The following LAMA2 variants were observed in gnomAD, a reference collection of about 807,000 sequenced individuals.
LAMA2 encodes the protein laminin subunit alpha-2.
LAMA2 carries 269 observed loss-of-function variants against 364.8 expected under a neutral mutation model. That is an observed-to-expected ratio of 0.74 (90% CI 0.67 to 0.82). The LOEUF (loss-of-function observed/expected upper bound fraction) is 0.82, where lower values mean the gene tolerates loss of function less well. LAMA2 is among the 40% of genes least tolerant of loss of function. The probability of loss-of-function intolerance (pLI) is 0.00; values close to 1 mark genes in which losing one functional copy is unlikely to be tolerated. For synonymous variants in LAMA2, 1,379 were observed against 1,370.6 expected (o/e 1.01, Z -0.14); for missense variants, 3,807 against 3,873.2 (o/e 0.98, Z 0.45).
intron 31 of LAMA2, among the ~76,000 whole-genome samples, chr6:129,350,737 G>C (rs924945140): frequency 2.6e-5 from 4 of 152,302 alleles, no homozygotes; most frequent in Admixed American, 6.5e-5. Flanking sequence ...ATCCACTTAA[G>C]AGTCTTGTTT....
chr6:129,342,379 C>T lies in LAMA2; in HGVS notation c.4348C>T (p.Arg1450Ter), dbSNP rs200923373. The change falls in exon 30 of 65, where the codon CGA (arginine) becomes TGA (stop). Residue 1450 changes from arginine (R) to a stop codon, truncating the protein, a stop_gained. Coordinates refer to ENST00000421865, the MANE Select transcript of LAMA2 (RefSeq NM_000426.4). LOFTEE classifies it high-confidence loss of function. The stretch of plus-strand genomic sequence containing the variant: ...TCACACTGCTGGTGACTTCTGTGAA[C>T]GATGTGCTCTTGGATACTATGGAAT... ...QHHTAGDFCE[R>*]CALGYYGIVK... 8.1e-6 allele frequency: 13 copies of T among 1,613,094 alleles called. No individual in the cohort carries two copies. Among genetic ancestry groups the T allele is most frequent in the African/African-American group, 2.7e-5 (2 of 74,874 alleles).
At chr6:128,897,868 C>G (rs1776864300) in intron 1 of LAMA2, among the ~76,000 whole-genome samples, 1 of 152,156 alleles carries the variant, frequency 6.6e-6, no homozygotes, top group South Asian at 2.1e-4. Context: ...AGAGCTATGA[C>G]TGCATCAGAA....
intron 18 of LAMA2, among the ~76,000 whole-genome samples, chr6:129,286,628 T>C (rs1295181678): frequency 1.1e-5 from 1 of 91,098 alleles, no homozygotes; most frequent in Non-Finnish European, 1.9e-5. Flanking sequence ...ATAATATATA[T>C]AATAATATAT....
intron 4 of LAMA2, among the ~76,000 whole-genome samples, chr6:129,117,093 C>A (rs1356519868): frequency 6.6e-6 from 1 of 151,984 alleles, no homozygotes; most frequent in East Asian, 1.9e-4. Context: ...AATTTTCAGA[C>A]AATTAGGGCC....
intron 14 of LAMA2, among the ~76,000 whole-genome samples, chr6:129,253,428 CT>C (rs1162098890): frequency 2.6e-5 from 4 of 152,210 alleles, no homozygotes; most frequent in Non-Finnish European, 4.4e-5. Context: ...AATATTTCAA[CT>C]TAGTCTAATC....
intron 32 of LAMA2, among the ~76,000 whole-genome samples, chr6:129,365,229 G>A (rs997277837): frequency 1.3e-5 from 2 of 152,174 alleles, no homozygotes; most frequent in African/African-American, 4.8e-5. Context: ...TCAAAGTAGG[G>A]ATTTGTGAGA....
intron 1 of LAMA2, among the ~76,000 whole-genome samples, chr6:128,885,195 C>G (rs1169577048): frequency 1.3e-5 from 2 of 152,094 alleles, no homozygotes; most frequent in Non-Finnish European, 2.9e-5. Flanking sequence ...TTGTCATAGA[C>G]CATTTACAAT....
chr6:129,389,679 G>A (rs528375869), intron 35 of LAMA2, among the ~76,000 whole-genome samples: 3 of 152,154 alleles, frequency 2.0e-5, no homozygotes, highest in African/African-American at 4.8e-5. Context: ...GGAAATTTAC[G>A]ATCATGGCAG....
chr6:129,426,962 A>C (rs1311095496), intron 40 of LAMA2, among the ~76,000 whole-genome samples: 2 of 152,208 alleles, frequency 1.3e-5, no homozygotes, highest in Non-Finnish European at 2.9e-5. Flanking sequence ...TTCCAATTTA[A>C]AATTTACACA....
intron 1 of LAMA2, among the ~76,000 whole-genome samples, chr6:128,997,314 CAAAG>C (rs970757853): frequency 2.6e-4 from 33 of 125,900 alleles, no homozygotes; most frequent in East Asian, 2.1e-3. Context: ...AAGAAAGAAA[CAAAG>C]AGAGAGAGAG....
At chr6:129,245,997 G>T (rs1188863761) in intron 12 of LAMA2, among the ~76,000 whole-genome samples, 1 of 152,152 alleles carries the variant, frequency 6.6e-6, no homozygotes, top group East Asian at 1.9e-4. Context: ...ATAAGCCACA[G>T]TTCTATTTCT....
In LAMA2 at chr6:129,321,253, T is replaced by C. The variant is rs553307820; in HGVS notation, c.4176+598T>C. 1.5e-3 allele frequency among the ~76,000 whole-genome samples: 227 copies of C among 152,326 alleles called. 1 individual carries two copies. Among genetic ancestry groups the C allele is most frequent in the South Asian group, 3.9e-3 (19 of 4,828 alleles). On this transcript the variant is annotated intron_variant, in intron 28 of 64. Coordinates refer to ENST00000421865, the MANE Select transcript of LAMA2 (RefSeq NM_000426.4). Reference sequence around the variant, plus strand: ...GTCAAATTTCTTAGGATCTAATTTCTATAATTGTGAAATATTAATAGGAAC... The same window carrying C: ...GTCAAATTTCTTAGGATCTAATTTCCATAATTGTGAAATATTAATAGGAAC...
At chr6:129,496,500 T>C (rs954263381) in intron 58 of LAMA2, among the ~76,000 whole-genome samples, 34 of 152,188 alleles carry the variant, frequency 2.2e-4, no homozygotes, top group Admixed American at 1.1e-3. Context: ...TAATTAGTTA[T>C]GACTGTGTGG....
At chr6:129,502,135 T>G (rs974287663) in intron 58 of LAMA2, among the ~76,000 whole-genome samples, 5 of 152,212 alleles carry the variant, frequency 3.3e-5, no homozygotes, top group African/African-American at 1.2e-4. Context: ...CTGAATGGGC[T>G]GACGTGCAGG....
intron 12 of LAMA2, among the ~76,000 whole-genome samples, chr6:129,225,215 C>T (rs1440953406): frequency 6.6e-6 from 1 of 151,522 alleles, no homozygotes; most frequent in African/African-American, 2.4e-5. Flanking sequence ...CTATTTGATT[C>T]TTCTCTCTTT....
intron 41 of LAMA2, among the ~76,000 whole-genome samples, chr6:129,434,226 C>T (rs1241835480): frequency 1.3e-5 from 2 of 152,308 alleles, no homozygotes; most frequent in Non-Finnish European, 2.9e-5. Flanking sequence ...ATATATCTAT[C>T]TTGTGCCATT....
chr6:128,991,555 T>C (rs1783616411), intron 1 of LAMA2, among the ~76,000 whole-genome samples: 1 of 152,208 alleles, frequency 6.6e-6, no homozygotes, highest in Admixed American at 6.6e-5. Flanking sequence ...GCAATCTGCT[T>C]TTCATACTAA....
At chr6:129,200,544 G>A (rs898293490) in intron 12 of LAMA2, among the ~76,000 whole-genome samples, 3 of 150,254 alleles carry the variant, frequency 2.0e-5, no homozygotes, top group African/African-American at 7.4e-5. Flanking sequence ...GTGAGTGTGT[G>A]TATATATATA....
chr6:129,453,239 C>A, intron 46 of LAMA2, 108 bp downstream of exon 46: 2 of 1,044,752 alleles, frequency 1.9e-6, no homozygotes, highest in East Asian at 2.4e-5. Flanking sequence ...AATGGTCTAA[C>A]GTAGGCTTTC....
Sources: allele counts gnomAD v4.1 joint callset (sites outside exome capture counted in the v4.1 genomes callset), GRCh38; gene constraint gnomAD v4.1.1; transcripts MANE v1.5; gene names NCBI Gene and HGNC (gene_info 2026-07-23, HGNC 2026-07-21).